Variants in TBC1D32 observed in about 807,000 individuals in gnomAD.
TBC1D32 encodes the protein TBC1 domain family member 32.
TBC1D32 carries 151 observed loss-of-function variants against 170.3 expected under a neutral mutation model. The ratio of observed to expected loss-of-function variants is 0.89; its 90% CI spans 0.78 to 1.01. TBC1D32 has a LOEUF of 1.01. Among genes scored for constraint, TBC1D32 ranks in the 50% least tolerant of loss-of-function variants. The pLI is 0.00. For missense variants in TBC1D32, 1,464 were observed against 1,457.1 expected, an observed-to-expected ratio of 1.00 and a Z score of -0.08; for synonymous variants, 498 against 488.0, an observed-to-expected ratio of 1.02 and a Z score of -0.27.
At chr6:121,225,520 G>A in intron 20 of TBC1D32, among the ~76,000 whole-genome samples, 1 of 151,992 alleles carries the variant, frequency 6.6e-6, no homozygotes, top group Middle Eastern at 3.4e-3. Context: ...ATAGTATATT[G>A]AGCATTTTTG....
At position 121,255,327 on chromosome 6, in the gene TBC1D32, C is replaced by T; in HGVS notation, c.2018+1G>A. On this transcript the variant is annotated splice_donor_variant, in intron 17 of 31. Coordinates refer to ENST00000398212, the MANE Select transcript of TBC1D32 (RefSeq NM_152730.6). LOFTEE classifies it high-confidence loss of function. ...GCATGACTTTCATCAATTGTACTTA[C>T]ATGTTTTGGGATTCCTGGCTTACTG... 5 of 1,546,356 alleles carry T rather than the reference C, an allele frequency of 3.2e-6. No homozygotes were observed. The highest frequency in any genetic ancestry group is 4.4e-6 in the Non-Finnish European group (5 of 1,137,442).
At chr6:121,081,747 C>T (rs1775665153) in intron 31 of TBC1D32, among the ~76,000 whole-genome samples, 1 of 151,800 alleles carries the variant, frequency 6.6e-6, no homozygotes, top group South Asian at 2.1e-4. Context: ...ATAGAAATAG[C>T]TAGGAAAACA....
chr6:121,092,943 A>AT (rs1306468344), intron 30 of TBC1D32, among the ~76,000 whole-genome samples: 1 of 152,140 alleles, frequency 6.6e-6, no homozygotes, highest in Admixed American at 6.5e-5. Context: ...ATTATTACTC[A>AT]TATCAATTAT....
rs1802417878 is a variant in TBC1D32 at position 121,277,691 on chromosome 6, T to C, written c.1733+1430A>G. On this transcript the variant is annotated intron_variant, in intron 15 of 31. Transcript: ENST00000398212. Reference sequence around the variant, plus strand: ...AAAAAAAGAAAAGAGCTAAAACGAATCATGTAAGCTTCCACCATAGAAAAC... The same window carrying C: ...AAAAAAAGAAAAGAGCTAAAACGAACCATGTAAGCTTCCACCATAGAAAAC... Among the ~76,000 whole-genome samples, 5 of 151,106 alleles carry C rather than the reference T, an allele frequency of 3.3e-5. No individual in the cohort carries two copies. In the South Asian group the frequency reaches 1.0e-3, roughly 31 times the overall value.
rs1775485372 is a variant in TBC1D32, at chr6:121,080,001, TATC to T, written c.*767_*769del. On this transcript the variant is annotated 3_prime_UTR_variant, in exon 32 of 32. Coordinates refer to ENST00000398212, the MANE Select transcript of TBC1D32 (RefSeq NM_152730.6). Reference sequence around the variant, plus strand: ...TCCTACCACTTGCCATGGTAAATAGTATCATTGTTCTTCCACATGTAAAAGAAG... The same window carrying T: ...TCCTACCACTTGCCATGGTAAATAGTATTGTTCTTCCACATGTAAAAGAAG... 6.6e-6 allele frequency: 1 copy of T among 152,182 alleles called. No homozygotes were observed. The highest frequency in any genetic ancestry group is 1.5e-5 in the Non-Finnish European group (1 of 68,036). The allele number at this position is 152,182 out of a possible 1,614,324, so 9.4% of individuals were successfully genotyped here. A position where few individuals can be genotyped will look rare whatever the true frequency, so the allele number is the denominator to read the frequency against.
Position 121,265,148 on chromosome 6 carries a change from C to T in TBC1D32, c.1734-8863G>A, listed in dbSNP as rs573804990. Among the ~76,000 whole-genome samples, 15 of 152,092 alleles carry T rather than the reference C, an allele frequency of 9.9e-5. No individual in the cohort carries two copies. In the East Asian group the frequency reaches 2.9e-3, roughly 29 times the overall value. On this transcript the variant is annotated intron_variant, in intron 15 of 31. Coordinates refer to ENST00000398212, the MANE Select transcript of TBC1D32 (RefSeq NM_152730.6). ...TGTCTCTGTTTGCAGATGACATGAT[C>T]CTATATTTAGAAAACCCCATCGTGT...
At chr6:121,201,327 T>C (rs1791531344) in intron 22 of TBC1D32, among the ~76,000 whole-genome samples, 1 of 151,526 alleles carries the variant, frequency 6.6e-6, no homozygotes, top group African/African-American at 2.5e-5. Flanking sequence ...TATTGCTTAA[T>C]CACACTCCTG....
chr6:121,188,391 AC>A (rs1260116584), intron 22 of TBC1D32, among the ~76,000 whole-genome samples: 57 of 152,252 alleles, frequency 3.7e-4, no homozygotes, highest in Non-Finnish European at 2.2e-4. Flanking sequence ...CATAGTCATA[AC>A]ATACTACTTA....
chr6:121,233,169 G>C (rs967081935), intron 20 of TBC1D32, among the ~76,000 whole-genome samples: 1 of 152,088 alleles, frequency 6.6e-6, no homozygotes, highest in African/African-American at 2.4e-5. Flanking sequence ...GTTGATGAAA[G>C]AATGTATATT....
At chr6:121,147,882 G>A (rs1226912180) in intron 24 of TBC1D32, among the ~76,000 whole-genome samples, 3 of 150,180 alleles carry the variant, frequency 2.0e-5, no homozygotes, top group South Asian at 2.1e-4. Context: ...GTGAGCCACC[G>A]CGCCCAGTCT....
intron 24 of TBC1D32, among the ~76,000 whole-genome samples, chr6:121,142,553 AT>A (rs925848424): frequency 7.2e-5 from 11 of 152,206 alleles, no homozygotes; most frequent in Non-Finnish European, 1.5e-4. Context: ...TTATAAAAGT[AT>A]TTTTAAGTAA....
At chr6:121,154,696 G>A (rs1263023913) in intron 24 of TBC1D32, among the ~76,000 whole-genome samples, 2 of 152,148 alleles carry the variant, frequency 1.3e-5, no homozygotes, top group East Asian at 1.9e-4. Flanking sequence ...ATTGATAAGT[G>A]CAACCTAATT....
At chr6:121,137,181 T>A (rs1051733007) in intron 24 of TBC1D32, among the ~76,000 whole-genome samples, 3 of 152,154 alleles carry the variant, frequency 2.0e-5, no homozygotes, top group African/African-American at 4.8e-5. Context: ...TTATATTTTC[T>A]AGGTGATTAA....
intron 2 of TBC1D32, 47 bp downstream of exon 2, chr6:121,321,586 T>C (rs769121162): frequency 5.7e-6 from 9 of 1,568,932 alleles, no homozygotes; most frequent in Non-Finnish European, 7.8e-6. Context: ...TGTCAAGACG[T>C]CTTGTTGAAG....
At chr6:121,123,298 GT>G (rs1247238342) in intron 26 of TBC1D32, among the ~76,000 whole-genome samples, 2 of 152,002 alleles carry the variant, frequency 1.3e-5, no homozygotes, top group Admixed American at 6.6e-5. Context: ...TGATTCTACA[GT>G]TTTTCCCTGG....
At chr6:121,255,237 AT>A in intron 17 of TBC1D32, 90 bp downstream of exon 17, 1 of 726,608 alleles carries the variant, frequency 1.4e-6, no homozygotes, top group Non-Finnish European at 2.1e-6. Context: ...CCTGTAAAAC[AT>A]TTTTGCCATA....
chr6:121,308,870 C>G (rs964015865), intron 4 of TBC1D32, among the ~76,000 whole-genome samples: 3 of 151,974 alleles, frequency 2.0e-5, no homozygotes, highest in African/African-American at 7.3e-5. Flanking sequence ...TAGTTCCACT[C>G]CAATGAAGAA....
chr6:121,103,779 T>A (rs1447897472), intron 30 of TBC1D32, among the ~76,000 whole-genome samples: 4 of 151,908 alleles, frequency 2.6e-5, no homozygotes, highest in Non-Finnish European at 5.9e-5. Flanking sequence ...TTGGATGCTT[T>A]AGACAATACA....
chr6:121,279,930 C>T (rs549594562), intron 14 of TBC1D32, among the ~76,000 whole-genome samples: 2 of 151,996 alleles, frequency 1.3e-5, no homozygotes, highest in South Asian at 4.1e-4. Flanking sequence ...TGCTTATTTA[C>T]CTGTACCTGC....
Sources: gnomAD v4.1 joint callset for allele counts (sites outside exome capture counted in the v4.1 genomes callset) on GRCh38, gnomAD v4.1.1 for gene constraint, MANE v1.5 for transcripts, NCBI Gene and HGNC (gene_info 2026-07-23, HGNC 2026-07-21) for gene names.